KCNMB2: variants seen among roughly 807,000 people sequenced by gnomAD.
KCNMB2 encodes calcium-activated potassium channel subunit beta-2.
In KCNMB2, 9 loss-of-function variants were observed where a neutral mutation model predicts 24.5. The ratio of observed to expected loss-of-function variants is 0.37; its 90% CI spans 0.22 to 0.64. KCNMB2 has a LOEUF of 0.64. KCNMB2 is among the 30% of genes least tolerant of loss of function. The pLI, the probability that KCNMB2 is intolerant of heterozygous loss-of-function variation, is 0.63. For missense variants in KCNMB2, 226 were observed against 284.3 expected, an observed-to-expected ratio of 0.79 and a Z score of 1.47; for synonymous variants, 109 against 104.4, an observed-to-expected ratio of 1.04 and a Z score of -0.27.
Position 178,697,725 on chromosome 3 carries a change from C to T in KCNMB2, c.-67-109618C>T, listed in dbSNP as rs111284504. ...TGGTATGTGTCCTTCAGTGTGTTTT[C>T]GTAGTGGCTGGTAATGGTCTTTCCT... On this transcript the variant is annotated intron_variant, in intron 1 of 4. Transcript: ENST00000452583. Among the ~76,000 whole-genome samples, 259 of 152,234 alleles carry T rather than the reference C, an allele frequency of 1.7e-3. 1 individual carries two copies. The highest frequency in any genetic ancestry group is 5.9e-3 in the African/African-American group (244 of 41,540).
At chr3:178,801,570 T>C (rs1381157466) in intron 1 of KCNMB2, among the ~76,000 whole-genome samples, 2 of 152,100 alleles carry the variant, frequency 1.3e-5, no homozygotes, top group East Asian at 1.9e-4. Flanking sequence ...GTTCCCAAAA[T>C]TATACTGACA....
intron 1 of KCNMB2, among the ~76,000 whole-genome samples, chr3:178,658,971 C>G (rs1720435841): frequency 6.6e-6 from 1 of 152,230 alleles, no homozygotes; most frequent in Non-Finnish European, 1.5e-5. Flanking sequence ...ACCAGGTTAT[C>G]TCTTCAGGCA....
chr3:178,612,808 C>A (rs76182385), intron 1 of KCNMB2, among the ~76,000 whole-genome samples: 1,868 of 152,020 alleles, frequency 0.012, 19 homozygotes, highest in Admixed American at 0.028. Flanking sequence ...TTATGATCTC[C>A]TTTTCCTTCT....
intron 1 of KCNMB2, among the ~76,000 whole-genome samples, chr3:178,702,839 C>T (rs1243513465): frequency 6.6e-6 from 1 of 152,132 alleles, no homozygotes; most frequent in Non-Finnish European, 1.5e-5. Context: ...AGTCCCACTG[C>T]CTGATACAAA....
chr3:178,625,317 C>T (rs2108531480), intron 1 of KCNMB2, among the ~76,000 whole-genome samples: 1 of 152,256 alleles, frequency 6.6e-6, no homozygotes, highest in African/African-American at 2.4e-5. Flanking sequence ...GGAGAAGACC[C>T]CAGGCCCAGG....
chr3:178,743,689 G>C (rs181307667), intron 1 of KCNMB2, among the ~76,000 whole-genome samples: 112 of 152,296 alleles, frequency 7.4e-4, no homozygotes, highest in South Asian at 7.2e-3. Context: ...CTGCCATGGT[G>C]GGGGGAACCA....
intron 1 of KCNMB2, among the ~76,000 whole-genome samples, chr3:178,578,270 G>C (rs1319437325): frequency 6.6e-6 from 1 of 152,152 alleles, no homozygotes; most frequent in African/African-American, 2.4e-5. Context: ...TTCATATCCT[G>C]CCAAACTAAG....
At chr3:178,733,349 C>A (rs58745655) in intron 1 of KCNMB2, among the ~76,000 whole-genome samples, 21,285 of 151,982 alleles carry the variant, frequency 0.14, 1,844 homozygotes, top group Non-Finnish European at 0.18. Flanking sequence ...AGAGAGGTCA[C>A]GAGAAGTCAA....
intron 1 of KCNMB2, chr3:178,757,078 A>G (rs1724082054): frequency 2.7e-5 from 4 of 150,690 alleles, no homozygotes; most frequent in South Asian, 2.1e-4. Flanking sequence ...ATCCTTGCTT[A>G]CCTCTCTTAC....
chr3:178,807,525 G>A lies in KCNMB2; in HGVS notation c.56+60G>A. The A allele has an allele frequency of 2.1e-6, 3 of 1,412,234 alleles. No individual in the cohort carries two copies. The East Asian group carries it at 6.8e-5, about 32-fold the overall frequency. The allele number at this position is 1,412,234 out of a possible 1,614,324, so 87.5% of individuals were successfully genotyped here. A position where few individuals can be genotyped will look rare whatever the true frequency, so the allele number is the denominator to read the frequency against. ...GCATTTAACCTGACTCTCCAAAGAG[G>A]ATACTGACAGGAAAGTAGTAGGCAA... On this transcript the variant is annotated intron_variant, in intron 2 of 4. Transcript: ENST00000452583.
At chr3:178,663,079 G>C (rs1033843713) in intron 1 of KCNMB2, among the ~76,000 whole-genome samples, 1 of 152,140 alleles carries the variant, frequency 6.6e-6, no homozygotes, top group Non-Finnish European at 1.5e-5. Context: ...CTGTGGGAGG[G>C]CTAGGACAGC....
chr3:178,603,094 G>C (rs1718147745), intron 1 of KCNMB2, among the ~76,000 whole-genome samples: 1 of 152,126 alleles, frequency 6.6e-6, no homozygotes, highest in Non-Finnish European at 1.5e-5. Flanking sequence ...TATGGCAGGT[G>C]ATGAGGTCTT....
At chr3:178,558,816 T>C (rs2108461825) in intron 1 of KCNMB2, 1 of 152,342 alleles carries the variant, frequency 6.6e-6, no homozygotes, top group Non-Finnish European at 1.5e-5. Flanking sequence ...GCACTGCACC[T>C]TGGTATAAAT....
chr3:178,595,267 T>A (rs1051745544), intron 1 of KCNMB2, among the ~76,000 whole-genome samples: 5 of 152,042 alleles, frequency 3.3e-5, no homozygotes, highest in Non-Finnish European at 7.4e-5. Context: ...AGTGTTATTA[T>A]CCGTGATTTA....
At chr3:178,659,133 A>G (rs1720441488) in intron 1 of KCNMB2, among the ~76,000 whole-genome samples, 1 of 152,260 alleles carries the variant, frequency 6.6e-6, no homozygotes. Context: ...TAGCAAAGTC[A>G]GCTCATGCAT....
At chr3:178,804,256 A>T (rs1376724198) in intron 1 of KCNMB2, among the ~76,000 whole-genome samples, 2 of 152,316 alleles carry the variant, frequency 1.3e-5, no homozygotes, top group East Asian at 3.9e-4. Context: ...TAAGGAGTTC[A>T]GGGGGGCTGT....
At chr3:178,793,194 T>C (rs931270742) in intron 1 of KCNMB2, among the ~76,000 whole-genome samples, 1 of 152,146 alleles carries the variant, frequency 6.6e-6, no homozygotes, top group Non-Finnish European at 1.5e-5. Context: ...ATCAAACATA[T>C]ATGGCCCTAC....
chr3:178,609,160 C>A (rs895125408), intron 1 of KCNMB2, among the ~76,000 whole-genome samples: 1 of 152,124 alleles, frequency 6.6e-6, no homozygotes, highest in Non-Finnish European at 1.5e-5. Flanking sequence ...TTTGTTATTG[C>A]CTGTTTTTTG....
rs910964342 is a variant in KCNMB2 at position 178,843,502 on chromosome 3, A to G, written c.*565A>G. On this transcript the variant is annotated 3_prime_UTR_variant, in exon 5 of 5. Coordinates refer to ENST00000452583, the MANE Select transcript of KCNMB2 (RefSeq NM_181361.3). ...CAGCTACTTTTTTTCATCACTTTTT[A>G]TTCATAACTTCAGATTTGTAAAACT... 1.1e-5 allele frequency: 2 copies of G among 181,864 alleles called. No homozygotes were observed. Among genetic ancestry groups the G allele is most frequent in the Admixed American group, 5.9e-5 (1 of 16,918 alleles). The allele number at this position is 181,864 out of a possible 1,614,324, so 11.3% of individuals were successfully genotyped here.
Sources: gnomAD v4.1 joint callset for allele counts (sites outside exome capture counted in the v4.1 genomes callset) on GRCh38, gnomAD v4.1.1 for gene constraint, MANE v1.5 for transcripts, NCBI Gene and HGNC (gene_info 2026-07-23, HGNC 2026-07-21) for gene names.